Variants in CA10 observed in about 807,000 individuals in gnomAD.
CA10 encodes carbonic anhydrase-related protein 10.
A neutral mutation model predicts 44.2 loss-of-function variants in CA10; 14 were observed. The ratio of observed to expected loss-of-function variants is 0.32; its 90% CI spans 0.21 to 0.50. CA10 has a LOEUF of 0.50. Among genes scored for constraint, CA10 ranks in the 20% least tolerant of loss-of-function variants. CA10 has a pLI of 0.99. For missense variants in CA10, 350 were observed against 409.7 expected, an observed-to-expected ratio of 0.85 and a Z score of 1.26; for synonymous variants, 159 against 141.6, an observed-to-expected ratio of 1.12 and a Z score of -0.87.
intron 3 of CA10, among the ~76,000 whole-genome samples, chr17:51,871,789 C>T (rs572851155): frequency 1.2e-3 from 185 of 152,040 alleles, no homozygotes; most frequent in African/African-American, 4.3e-3. Context: ...CATGTGTATG[C>T]GACAGCCCTT....
At chr17:51,683,445 G>T (rs749715469) in intron 4 of CA10, among the ~76,000 whole-genome samples, 6 of 152,142 alleles carry the variant, frequency 3.9e-5, no homozygotes, top group Non-Finnish European at 7.3e-5. Context: ...ACTGCTTCCA[G>T]ATCCATTGTG....
intron 3 of CA10, among the ~76,000 whole-genome samples, chr17:51,884,444 C>T (rs908293029): frequency 6.6e-6 from 1 of 152,154 alleles, no homozygotes; most frequent in Non-Finnish European, 1.5e-5. Flanking sequence ...TGCATCTGCT[C>T]TTCTCCCTGC....
chr17:51,900,336 A>T (rs999473753), intron 3 of CA10, among the ~76,000 whole-genome samples: 2 of 152,162 alleles, frequency 1.3e-5, no homozygotes, highest in African/African-American at 4.8e-5. Context: ...TCCTGTCTTT[A>T]AGAATGCTGA....
chr17:51,861,892 C>G (rs1432807797), intron 3 of CA10, among the ~76,000 whole-genome samples: 1 of 152,156 alleles, frequency 6.6e-6, no homozygotes, highest in Non-Finnish European at 1.5e-5. Flanking sequence ...CTGAAAAGAA[C>G]TCCAGACCCA....
chr17:51,809,569 T>C (rs906608744), intron 3 of CA10, among the ~76,000 whole-genome samples: 5 of 152,210 alleles, frequency 3.3e-5, no homozygotes, highest in African/African-American at 1.2e-4. Context: ...CAGCAGCTTC[T>C]CTGCAACATC....
chr17:51,947,997 G>T (rs1983348542), intron 2 of CA10, among the ~76,000 whole-genome samples: 1 of 152,074 alleles, frequency 6.6e-6, no homozygotes, highest in Non-Finnish European at 1.5e-5. Flanking sequence ...ATTCTTGGGG[G>T]CTTTGGCATT....
intron 2 of CA10, among the ~76,000 whole-genome samples, chr17:51,948,917 A>C (rs934408855): frequency 1.3e-5 from 2 of 152,142 alleles, no homozygotes; most frequent in African/African-American, 4.8e-5. Context: ...ATTAAAAAGA[A>C]CATGATAGAT....
chr17:52,117,912 A>G (rs1018978823), intron 1 of CA10, among the ~76,000 whole-genome samples: 1 of 152,244 alleles, frequency 6.6e-6, no homozygotes, highest in Non-Finnish European at 1.5e-5. Flanking sequence ...ATCTTGTAAA[A>G]GAAATTCTGT....
chr17:51,961,696 C>T (rs1983899314), intron 2 of CA10, among the ~76,000 whole-genome samples: 1 of 152,114 alleles, frequency 6.6e-6, no homozygotes, highest in Admixed American at 6.5e-5. Flanking sequence ...CATTTGACAA[C>T]TCAGATTAAA....
chr17:52,058,043 T>A (rs1221044665), intron 2 of CA10, among the ~76,000 whole-genome samples: 1 of 152,082 alleles, frequency 6.6e-6, no homozygotes, highest in Non-Finnish European at 1.5e-5. Context: ...GTACTTCATA[T>A]TGGATGGCTG....
rs111643396 is a variant in CA10, at chr17:51,797,130, G to A, written c.280-49312C>T. Reference sequence around the variant, plus strand: ...TGCACAGCTCCAGAGTGCATCTCCAGCATCAGAGAGGCAGGCAGCCTTGTC... The same window carrying A: ...TGCACAGCTCCAGAGTGCATCTCCAACATCAGAGAGGCAGGCAGCCTTGTC... On this transcript the variant is annotated intron_variant, in intron 3 of 8. Transcript: ENST00000451037. 1.4e-3 allele frequency among the ~76,000 whole-genome samples: 218 copies of A among 152,318 alleles called. 1 individual carries two copies. Among genetic ancestry groups the A allele is most frequent in the African/African-American group, 4.9e-3 (205 of 41,576 alleles).
At chr17:51,702,479 T>C (rs1185241133) in intron 4 of CA10, among the ~76,000 whole-genome samples, 1 of 152,192 alleles carries the variant, frequency 6.6e-6, no homozygotes, top group African/African-American at 2.4e-5. Flanking sequence ...AAATTTTGTA[T>C]ACTAGTTGAC....
At chr17:51,878,871 TATATATATATATATATA>T (rs1980220510) in intron 3 of CA10, among the ~76,000 whole-genome samples, 1 of 26,650 alleles carries the variant, frequency 3.8e-5, no homozygotes, top group Non-Finnish European at 6.1e-5. Flanking sequence ...TATATATATA[TATATATATATATATATA>T]TATGGGTGTG....
At chr17:51,763,672 CTCT>C (rs1485974176) in intron 3 of CA10, among the ~76,000 whole-genome samples, 2 of 152,150 alleles carry the variant, frequency 1.3e-5, no homozygotes, top group African/African-American at 4.8e-5. Flanking sequence ...ATCCCCCTAC[CTCT>C]TTTACTGTCA....
At chr17:52,066,003 G>A (rs961116158) in intron 2 of CA10, among the ~76,000 whole-genome samples, 1 of 152,164 alleles carries the variant, frequency 6.6e-6, no homozygotes, top group Non-Finnish European at 1.5e-5. Flanking sequence ...CCCTGTGAAG[G>A]TGACTTGCTT....
chr17:51,672,294 G>C (rs1479976166), intron 4 of CA10, among the ~76,000 whole-genome samples: 3 of 152,196 alleles, frequency 2.0e-5, no homozygotes, highest in African/African-American at 7.2e-5. Context: ...CAGCATGCTA[G>C]CGCTATAAAG....
At chr17:51,761,139 G>C (rs990858240) in intron 3 of CA10, 1 of 152,110 alleles carries the variant, frequency 6.6e-6, no homozygotes, top group African/African-American at 2.4e-5. Context: ...AGGATACCAG[G>C]CTCTGAGGAG....
chr17:52,109,339 G>A (rs542183434), intron 1 of CA10, among the ~76,000 whole-genome samples: 14 of 152,218 alleles, frequency 9.2e-5, no homozygotes, highest in African/African-American at 3.1e-4. Context: ...CTTCTTTTCC[G>A]AAGGGACAAA....
intron 3 of CA10, among the ~76,000 whole-genome samples, chr17:51,864,649 A>T (rs879608877): frequency 1.3e-5 from 2 of 152,212 alleles, no homozygotes; most frequent in South Asian, 2.1e-4. Context: ...AACAGAAAAC[A>T]CTGTGTAAGA....
Sources: allele counts gnomAD v4.1 joint callset (sites outside exome capture counted in the v4.1 genomes callset), GRCh38; gene constraint gnomAD v4.1.1; transcripts MANE v1.5; gene names NCBI Gene and HGNC (gene_info 2026-07-23, HGNC 2026-07-21).